The following NIN variants were observed in gnomAD, a reference collection of about 807,000 sequenced individuals.
NIN encodes glycogen synthase kinase 3 beta-interacting protein.
In NIN, 137 loss-of-function variants were observed where a neutral mutation model predicts 257.6. The ratio of observed to expected loss-of-function variants is 0.53; its 90% CI spans 0.46 to 0.61. The LOEUF (loss-of-function observed/expected upper bound fraction) is 0.61. NIN is among the 20% of genes least tolerant of loss of function. NIN has a pLI of 0.00. For missense variants in NIN, 2,439 were observed against 2,501.2 expected (o/e 0.98, Z 0.53); for synonymous variants, 918 against 919.8 (o/e 1.00, Z 0.04).
intron 15 of NIN, among the ~76,000 whole-genome samples, chr14:50,762,994 C>A (rs1403784991): frequency 6.6e-6 from 1 of 152,128 alleles, no homozygotes; most frequent in East Asian, 1.9e-4. Flanking sequence ...CGAGATATAT[C>A]ATATTATGAG....
chr14:50,818,883 A>C (rs1210651038), intron 3 of NIN, among the ~76,000 whole-genome samples: 1 of 103,270 alleles, frequency 9.7e-6, no homozygotes, highest in Non-Finnish European at 2.0e-5. Context: ...AACAACTATT[A>C]AACATTAGGC....
intron 30 of NIN, chr14:50,724,300 A>C (rs1404246486): frequency 4.8e-6 from 1 of 209,468 alleles, no homozygotes; most frequent in Non-Finnish European, 9.7e-6. Context: ...AATATTTTCC[A>C]GTCCCCCTTC....
Position 50,758,155 on chromosome 14 carries a change from C to T in NIN, c.2875G>A (p.Gly959Arg). ...TGGCTGGCCAGCTGCTCCGAAGCCC[C>T]TGCCTGGCACAGGACCTCCTCACGC... ...REREEVLCQA[G>R]ASEQLASQRL... is the part of the protein sequence containing the mutation. The change falls in exon 18 of 31, where the codon GGG (glycine) becomes AGG (arginine). Residue 959 changes from glycine (G) to arginine (R), a missense_variant. Gly to Arg is a moderately radical substitution (Grantham distance 125). This residue lies in a region of NIN where 2,043 missense variants were observed against 2,050.2 expected (regional missense o/e 1.00). Coordinates refer to ENST00000530997, the MANE Select transcript of NIN (RefSeq NM_020921.4). The T allele has an allele frequency of 1.9e-6, 3 of 1,614,228 alleles. No individual in the cohort carries two copies. The highest frequency in any genetic ancestry group is 2.5e-6 in the Non-Finnish European group (3 of 1,180,040).
intron 5 of NIN, among the ~76,000 whole-genome samples, chr14:50,780,480 T>G (rs1002983876): frequency 6.6e-6 from 1 of 152,216 alleles, no homozygotes; most frequent in African/African-American, 2.4e-5. Context: ...AATTTTTAGA[T>G]GAAATGTTGT....
At chr14:50,816,613 T>C (rs987352266) in intron 3 of NIN, among the ~76,000 whole-genome samples, 2 of 152,136 alleles carry the variant, frequency 1.3e-5, no homozygotes, top group South Asian at 2.1e-4. Flanking sequence ...CATCTGACCT[T>C]GGAAAAGCCA....
At chr14:50,729,259 T>TG (rs1044139201) in intron 29 of NIN, among the ~76,000 whole-genome samples, 1 of 140,154 alleles carries the variant, frequency 7.1e-6, no homozygotes, top group Non-Finnish European at 1.6e-5. Context: ...GATTTTGTTT[T>TG]TTTTTTTTTT....
In NIN at chr14:50,724,229, T is replaced by C. The variant is rs748309952; in HGVS notation, c.6193-557A>G. The C allele has an allele frequency of 2.4e-4, 50 of 205,750 alleles. 1 individual carries two copies. The highest frequency in any genetic ancestry group is 1.6e-3 in the Middle Eastern group (1 of 642). 12.7% of individuals were successfully genotyped at this position (205,750 alleles called of 1,614,324 possible). The stretch of plus-strand genomic sequence containing the variant: ...TAATCTTTATAGTTAGAATATATGG[T>C]CTAGGTTGGGGTGGGAAAACTTGTT... On this transcript the variant is annotated intron_variant, in intron 30 of 30. Coordinates refer to ENST00000530997, the MANE Select transcript of NIN (RefSeq NM_020921.4).
intron 29 of NIN, among the ~76,000 whole-genome samples, chr14:50,728,849 A>T (rs1309293899): frequency 6.6e-6 from 1 of 152,210 alleles, no homozygotes; most frequent in African/African-American, 2.4e-5. Flanking sequence ...CAATGAAAAG[A>T]TTTTTATTTT....
Position 50,757,290 on chromosome 14 carries a change from T to A in NIN, c.3740A>T (p.Lys1247Ile). Residue 1247 changes from lysine (K) to isoleucine (I), a missense_variant, in exon 18 of 31, where the codon AAA becomes ATA. Lys to Ile is a moderately radical substitution (Grantham distance 102). This residue lies in a region of NIN where 2,043 missense variants were observed against 2,050.2 expected (regional missense o/e 1.00). Coordinates refer to ENST00000530997, the MANE Select transcript of NIN (RefSeq NM_020921.4). ...MLERIPEASPKYKLLYEDVSR... is the reference protein window; with the variant it reads ...MLERIPEASPIYKLLYEDVSR... ...CACATCTTCATACAACAGCTTATAT[T>A]TGGGAGAAGCCTCAGGGATTCTCTC... is the stretch of plus-strand genomic sequence containing the variant. The A allele has an allele frequency of 6.2e-7, 1 of 1,614,164 alleles. No individual in the cohort carries two copies. The highest frequency in any genetic ancestry group is 8.5e-7 in the Non-Finnish European group (1 of 1,180,024).
At chr14:50,731,907 A>T (rs1052255334) in intron 28 of NIN, among the ~76,000 whole-genome samples, 3 of 152,258 alleles carry the variant, frequency 2.0e-5, no homozygotes, top group Non-Finnish European at 4.4e-5. Flanking sequence ...GGAGACGCAG[A>T]ATGCAGTATA....
At chr14:50,765,558 GA>G (rs2042446140) in intron 14 of NIN, among the ~76,000 whole-genome samples, 1 of 151,752 alleles carries the variant, frequency 6.6e-6, no homozygotes. Flanking sequence ...TCTGGTTTAA[GA>G]AAAAAATTCA....
chr14:50,735,421 G>A (rs571132525), intron 28 of NIN, 95 bp downstream of exon 28: 22 of 1,458,494 alleles, frequency 1.5e-5, no homozygotes, highest in Middle Eastern at 1.8e-4. Flanking sequence ...TTTTCACAAC[G>A]GGAATTCAAT....
At chr14:50,761,393 C>T (rs78674414) in intron 16 of NIN, among the ~76,000 whole-genome samples, 6,491 of 152,166 alleles carry the variant, frequency 0.043, 129 homozygotes, top group Non-Finnish European at 0.048. Flanking sequence ...CTCATAAGAA[C>T]GGTCAGTTGA....
intron 4 of NIN, among the ~76,000 whole-genome samples, chr14:50,797,602 C>T (rs1407598664): frequency 6.6e-6 from 1 of 152,248 alleles, no homozygotes; most frequent in Non-Finnish European, 1.5e-5. Flanking sequence ...CCCCATTCTA[C>T]ATCCCACCTC....
At position 50,822,074 on chromosome 14, in the gene NIN, T is replaced by C; in HGVS notation, c.-18A>G. 1 of 1,606,822 alleles carries C rather than the reference T, an allele frequency of 6.2e-7. No individual in the cohort carries two copies. Among genetic ancestry groups the C allele is most frequent in the Non-Finnish European group, 8.5e-7 (1 of 1,175,368 alleles). Reference sequence around the variant, plus strand: ...TCATCCATCCCATAGCCCACAGTGCTCACCTGTGTGTAAGACAGAGACAAG... The same window carrying C: ...TCATCCATCCCATAGCCCACAGTGCCCACCTGTGTGTAAGACAGAGACAAG... On this transcript the variant is annotated 5_prime_UTR_variant, in exon 3 of 31. Transcript: ENST00000530997.
chr14:50,730,402 G>A (rs1018637098), intron 28 of NIN, among the ~76,000 whole-genome samples: 3 of 152,162 alleles, frequency 2.0e-5, no homozygotes, highest in Admixed American at 1.3e-4. Context: ...AAGGGAGGAC[G>A]ATGCACAGCA....
intron 3 of NIN, among the ~76,000 whole-genome samples, chr14:50,810,089 G>A (rs937314075): frequency 1.3e-5 from 2 of 152,072 alleles, no homozygotes; most frequent in Non-Finnish European, 2.9e-5. Context: ...AAATTAGCTG[G>A]GCGTGGTGGC....
At position 50,739,489 on chromosome 14, in the gene NIN, T is replaced by G; in HGVS notation, c.5449-2A>C. On this transcript the variant is annotated splice_acceptor_variant, in intron 25 of 30. Transcript: ENST00000530997. LOFTEE classifies it high-confidence loss of function. ...AGTAGCTATCTCTGGGGCCCAGCTC[T>G]TAAGAGAATTGCAGAGTGTAAGCCT... The G allele has an allele frequency of 6.2e-7, 1 of 1,613,978 alleles. No individual in the cohort carries two copies. The highest frequency in any genetic ancestry group is 8.5e-7 in the Non-Finnish European group (1 of 1,179,964).
In NIN at chr14:50,794,174, T is replaced by C. The variant is rs920543085; in HGVS notation, c.266-1293A>G. Reference sequence around the variant, plus strand: ...GGGAGGACTGGCGACCCTCTTTGACTAAACACCTCCCCGCCATGTCCTTCC... The same window carrying C: ...GGGAGGACTGGCGACCCTCTTTGACCAAACACCTCCCCGCCATGTCCTTCC... On this transcript the variant is annotated intron_variant, in intron 4 of 30. Transcript: ENST00000530997. Among the ~76,000 whole-genome samples, 17 of 152,312 alleles carry C rather than the reference T, an allele frequency of 1.1e-4. 1 individual carries two copies. Among genetic ancestry groups the C allele is most frequent in the African/African-American group, 4.1e-4 (17 of 41,580 alleles).
Sources: gnomAD v4.1 joint callset for allele counts (sites outside exome capture counted in the v4.1 genomes callset) on GRCh38, gnomAD v4.1.1 for gene constraint, gnomAD v4.1.1 regional missense constraint, MANE v1.5 for transcripts, NCBI Gene and HGNC (gene_info 2026-07-23, HGNC 2026-07-21) for gene names.